FGF10: variants seen among roughly 807,000 people sequenced by gnomAD.
The protein encoded by FGF10 is fibroblast growth factor 10, also known as FGF-10.
Under a neutral mutation model 19.8 loss-of-function variants are expected in FGF10, and 2 were observed. The observed-to-expected ratio is 0.10, with a 90% CI of 0.04 to 0.32. The LOEUF is 0.32. Among genes scored for constraint, FGF10 ranks in the 10% least tolerant of loss-of-function variants. The pLI is 1.00. For missense variants in FGF10, 191 were observed against 246.3 expected (o/e 0.78, Z 1.50); for synonymous variants, 112 against 94.0 (o/e 1.19, Z -1.10).
intron 1 of FGF10, among the ~76,000 whole-genome samples, chr5:44,321,936 TGGTTTTAGTAGAGACAG>T (rs1298207429): frequency 6.6e-6 from 1 of 152,082 alleles, no homozygotes; most frequent in East Asian, 1.9e-4. Flanking sequence ...CTAATTTTTG[TGGTTTTAGTAGAGACAG>T]GGTTTCTCCA....
chr5:44,365,607 C>T lies in FGF10; in HGVS notation c.325+22751G>A, dbSNP rs371190258. Among the ~76,000 whole-genome samples, 39 of 152,024 alleles carry T rather than the reference C, an allele frequency of 2.6e-4. 1 individual carries two copies. Among genetic ancestry groups the T allele is most frequent in the African/African-American group, 9.2e-4 (38 of 41,508 alleles). ...CCAGATTTTCAATCTTATGACTCTA[C>T]GCTTTGATTAAGACTTAGGTTGAAA... On this transcript the variant is annotated intron_variant, in intron 1 of 2. Coordinates refer to ENST00000264664, the MANE Select transcript of FGF10 (RefSeq NM_004465.2).
intron 1 of FGF10, among the ~76,000 whole-genome samples, chr5:44,349,283 A>G (rs572958580): frequency 4.7e-5 from 7 of 150,048 alleles, no homozygotes; most frequent in East Asian, 2.0e-4. Flanking sequence ...TTACCCCAGC[A>G]GCCAGATAAT....
chr5:44,386,715 A>G (rs1309654529), intron 1 of FGF10, among the ~76,000 whole-genome samples: 1 of 152,190 alleles, frequency 6.6e-6, no homozygotes, highest in African/African-American at 2.4e-5. Flanking sequence ...AGTATGAAAC[A>G]TAAAATGAAA....
At chr5:44,376,518 C>CAAAAA (rs1265124775) in intron 1 of FGF10, among the ~76,000 whole-genome samples, 71 of 72,720 alleles carry the variant, frequency 9.8e-4, no homozygotes, top group African/African-American at 3.0e-3. Flanking sequence ...AAAAAAAAAA[C>CAAAAA]AAAAAACCCA....
At chr5:44,380,042 T>C (rs1239890353) in intron 1 of FGF10, among the ~76,000 whole-genome samples, 2 of 152,192 alleles carry the variant, frequency 1.3e-5, no homozygotes, top group African/African-American at 4.8e-5. Context: ...TTAATACTTG[T>C]GGAATCATAT....
intron 1 of FGF10, among the ~76,000 whole-genome samples, chr5:44,328,997 T>C (rs1033447192): frequency 1.3e-5 from 2 of 152,116 alleles, no homozygotes; most frequent in African/African-American, 4.8e-5. Context: ...ACTCTGTCTC[T>C]GAATAAATAA....
At chr5:44,329,631 C>T (rs1175140243) in intron 1 of FGF10, among the ~76,000 whole-genome samples, 2 of 152,016 alleles carry the variant, frequency 1.3e-5, no homozygotes, top group African/African-American at 4.8e-5. Flanking sequence ...AAAAAAATCA[C>T]AAAAATGAGC....
intron 1 of FGF10, among the ~76,000 whole-genome samples, chr5:44,336,733 T>C (rs1336591319): frequency 2.0e-5 from 3 of 152,212 alleles, no homozygotes; most frequent in African/African-American, 7.2e-5. Context: ...TTAAATGAGA[T>C]GATGCCTTAA....
At chr5:44,323,155 T>C (rs1740536715) in intron 1 of FGF10, among the ~76,000 whole-genome samples, 1 of 152,210 alleles carries the variant, frequency 6.6e-6, no homozygotes, top group Non-Finnish European at 1.5e-5. Context: ...CTAAAGTCCA[T>C]GGAAATGTCC....
chr5:44,379,489 C>G (rs1741940634), intron 1 of FGF10, among the ~76,000 whole-genome samples: 4 of 152,336 alleles, frequency 2.6e-5, no homozygotes, highest in African/African-American at 7.2e-5. Context: ...GCCTACAGGT[C>G]TGCGGCTTCA....
intron 1 of FGF10, among the ~76,000 whole-genome samples, chr5:44,378,522 C>T (rs1741916025): frequency 6.6e-6 from 1 of 152,182 alleles, no homozygotes; most frequent in Non-Finnish European, 1.5e-5. Context: ...AGCTCTGCCT[C>T]CCGGGTTCAC....
At chr5:44,352,724 C>A (rs201775755) in intron 1 of FGF10, among the ~76,000 whole-genome samples, 5 of 151,542 alleles carry the variant, frequency 3.3e-5, no homozygotes, top group African/African-American at 9.7e-5. Context: ...TTAGAAGATA[C>A]CTGAGAAGCT....
intron 1 of FGF10, among the ~76,000 whole-genome samples, chr5:44,342,902 T>A (rs1741000587): frequency 6.6e-6 from 1 of 151,946 alleles, no homozygotes; most frequent in African/African-American, 2.4e-5. Context: ...AAAGCATTAA[T>A]CCTCTTCCCC....
intron 1 of FGF10, among the ~76,000 whole-genome samples, chr5:44,387,347 G>A (rs1320160007): frequency 6.6e-6 from 1 of 152,026 alleles, no homozygotes; most frequent in Non-Finnish European, 1.5e-5. Flanking sequence ...AGAGAAAGAA[G>A]GAAAGAGAGA....
chr5:44,331,111 T>G (rs1386360289), intron 1 of FGF10, among the ~76,000 whole-genome samples: 2 of 152,184 alleles, frequency 1.3e-5, no homozygotes, highest in African/African-American at 4.8e-5. Context: ...TTTCTGTGGT[T>G]TGAAGACATA....
At chr5:44,376,509 A>AC (rs1178778159) in intron 1 of FGF10, among the ~76,000 whole-genome samples, 77 of 141,856 alleles carry the variant, frequency 5.4e-4, no homozygotes, top group Admixed American at 1.1e-3. Flanking sequence ...AAAAAAAAAA[A>AC]AAAAAAAACA....
At chr5:44,365,350 C>CAAAAAAAA (rs3060085) in intron 1 of FGF10, among the ~76,000 whole-genome samples, 1 of 124,732 alleles carries the variant, frequency 8.0e-6, no homozygotes. Flanking sequence ...AAATAATTTG[C>CAAAAAAAA]AAAAAAAAAA....
rs1205235167 is a variant in FGF10, at chr5:44,300,897, G to A, written c.*4098C>T. On this transcript the variant is annotated 3_prime_UTR_variant, in exon 3 of 3. Transcript: ENST00000264664. ...GGCCAATAAGAGTTATATCTAGGAT[G>A]TTTACCTTTTTGGATCTTGTAGTAA... is the stretch of plus-strand genomic sequence containing the variant. Among the ~76,000 whole-genome samples, 1 of 152,030 alleles carries A rather than the reference G, an allele frequency of 6.6e-6. No individual in the cohort carries two copies. The highest frequency in any genetic ancestry group is 1.5e-5 in the Non-Finnish European group (1 of 68,000).
At position 44,300,451 on chromosome 5, in the gene FGF10, A is replaced by C. The variant is rs1739946145; in HGVS notation, c.*4544T>G. Among the ~76,000 whole-genome samples, 1 of 152,154 alleles carries C rather than the reference A, an allele frequency of 6.6e-6. No individual in the cohort carries two copies. The highest frequency in any genetic ancestry group is 2.4e-5 in the African/African-American group (1 of 41,454). ...AGTGAAAACTTGCATTCATCCCAATATAAAGTTTGCAAAACCACAGTGAGC... is the reference window on the plus strand; with the variant it reads ...AGTGAAAACTTGCATTCATCCCAATCTAAAGTTTGCAAAACCACAGTGAGC... On this transcript the variant is annotated 3_prime_UTR_variant, in exon 3 of 3. Coordinates refer to ENST00000264664, the MANE Select transcript of FGF10 (RefSeq NM_004465.2).
Sources: allele counts gnomAD v4.1 joint callset (sites outside exome capture counted in the v4.1 genomes callset), GRCh38; gene constraint gnomAD v4.1.1; transcripts MANE v1.5; gene names NCBI Gene and HGNC (gene_info 2026-07-23, HGNC 2026-07-21).